Variants in CTNNA3 observed in about 807,000 individuals in gnomAD.
CTNNA3 encodes catenin alpha-3.
A neutral mutation model predicts 95.7 loss-of-function variants in CTNNA3; 76 were observed. That is an observed-to-expected ratio of 0.79 (90% CI 0.66 to 0.96). CTNNA3 has a LOEUF of 0.96. Among genes scored for constraint, CTNNA3 ranks in the 40% least tolerant of loss-of-function variants. The probability of loss-of-function intolerance (pLI) is 0.00; values close to 1 mark genes in which losing one functional copy is unlikely to be tolerated. For missense variants in CTNNA3, 1,191 were observed against 1,089.8 expected, an observed-to-expected ratio of 1.09 and a Z score of -1.31; for synonymous variants, 431 against 374.4, an observed-to-expected ratio of 1.15 and a Z score of -1.74.
At chr10:66,318,736 T>C (rs915129071) in intron 12 of CTNNA3, among the ~76,000 whole-genome samples, 4 of 152,090 alleles carry the variant, frequency 2.6e-5, no homozygotes, top group Admixed American at 1.3e-4. Flanking sequence ...AGTATGCACA[T>C]GTAAATGCTC....
chr10:67,612,869 T>C (rs554085853), intron 2 of CTNNA3, among the ~76,000 whole-genome samples: 1 of 152,180 alleles, frequency 6.6e-6, no homozygotes, highest in Non-Finnish European at 1.5e-5. Context: ...TCTATCATTA[T>C]GAAAAGTGTG....
At chr10:67,761,649 C>T (rs772936163) in intron 1 of CTNNA3, among the ~76,000 whole-genome samples, 36 of 152,144 alleles carry the variant, frequency 2.4e-4, no homozygotes, top group Middle Eastern at 3.4e-3. Context: ...GAGGCCGAGG[C>T]GGGCAGATCA....
rs184141477 is a variant in CTNNA3, at chr10:67,718,140, G to T, written c.-2+45294C>A. Among the ~76,000 whole-genome samples the T allele has an allele frequency of 2.0e-5, 3 of 152,298 alleles. No individual in the cohort carries two copies. The East Asian group carries it at 5.8e-4, about 29-fold the overall frequency. ...CTGTCTGTTATTGGTGTATAGAAAT[G>T]CTTGTGATTTTTGCACATTAATTTT... On this transcript the variant is annotated intron_variant, in intron 1 of 17. Transcript: ENST00000684154.
At chr10:65,985,048 T>G (rs1263545606) in intron 16 of CTNNA3, among the ~76,000 whole-genome samples, 1 of 151,200 alleles carries the variant, frequency 6.6e-6, no homozygotes, top group Non-Finnish European at 1.5e-5. Flanking sequence ...ACATATGTTC[T>G]TTATTATTAG....
intron 7 of CTNNA3, among the ~76,000 whole-genome samples, chr10:67,025,539 G>A (rs1853317726): frequency 1.3e-5 from 2 of 152,094 alleles, no homozygotes; most frequent in African/African-American, 4.8e-5. Flanking sequence ...GGGTGAAAAT[G>A]TATTTTGCAT....
intron 13 of CTNNA3, among the ~76,000 whole-genome samples, chr10:66,238,293 G>T (rs1007893732): frequency 2.6e-5 from 4 of 151,944 alleles, no homozygotes; most frequent in Non-Finnish European, 4.4e-5. Context: ...GATCTTTAAT[G>T]AGCAGGAACC....
intron 11 of CTNNA3, among the ~76,000 whole-genome samples, chr10:66,459,770 T>C (rs977105410): frequency 2.6e-5 from 4 of 152,170 alleles, no homozygotes; most frequent in African/African-American, 7.2e-5. Flanking sequence ...TTTAAACATA[T>C]GAAAACATAG....
At chr10:67,175,639 A>G (rs1050060743) in intron 7 of CTNNA3, among the ~76,000 whole-genome samples, 2 of 152,162 alleles carry the variant, frequency 1.3e-5, no homozygotes, top group South Asian at 4.1e-4. Context: ...TGACTTGTTT[A>G]CTCTAGCAGC....
chr10:67,352,302 A>T (rs1352421202), intron 5 of CTNNA3, among the ~76,000 whole-genome samples: 2 of 151,964 alleles, frequency 1.3e-5, no homozygotes, highest in African/African-American at 4.8e-5. Flanking sequence ...TGAAGAGGCC[A>T]TTCCTTTTAT....
chr10:65,934,676 A>G (rs993955446), intron 17 of CTNNA3, among the ~76,000 whole-genome samples: 1 of 152,142 alleles, frequency 6.6e-6, no homozygotes, highest in African/African-American at 2.4e-5. Context: ...ATATTGTTTA[A>G]CAATTCCCTC....
At chr10:66,035,537 A>ATTTTTTT (rs3884199) in intron 15 of CTNNA3, among the ~76,000 whole-genome samples, 7 of 147,184 alleles carry the variant, frequency 4.8e-5, no homozygotes, top group African/African-American at 1.7e-4. Flanking sequence ...GAATGAGGGT[A>ATTTTTTT]TTTTTTTTTT....
chr10:66,294,628 A>G (rs1260309981), intron 12 of CTNNA3, among the ~76,000 whole-genome samples: 1 of 152,162 alleles, frequency 6.6e-6, no homozygotes, highest in African/African-American at 2.4e-5. Flanking sequence ...GGCAGTGGAA[A>G]TGAACAGGTT....
intron 9 of CTNNA3, among the ~76,000 whole-genome samples, chr10:66,745,122 C>G (rs542815391): frequency 1.6e-4 from 25 of 152,314 alleles, no homozygotes; most frequent in African/African-American, 4.8e-4. Context: ...ACCATGCTGT[C>G]ATCACATTCT....
chr10:67,680,269 GGTAAGGGTA>G (rs1554875380), intron 1 of CTNNA3, among the ~76,000 whole-genome samples: 1 of 152,134 alleles, frequency 6.6e-6, no homozygotes, highest in Non-Finnish European at 1.5e-5. Context: ...GAAAATCACT[GGTAAGGGTA>G]AGGGAGAAGT....
chr10:66,904,813 A>G (rs183007870), intron 7 of CTNNA3, among the ~76,000 whole-genome samples: 2 of 152,340 alleles, frequency 1.3e-5, no homozygotes, highest in Admixed American at 1.3e-4. Flanking sequence ...AATCAAAACC[A>G]CAATGAGATA....
intron 10 of CTNNA3, among the ~76,000 whole-genome samples, chr10:66,597,913 G>C (rs1281988827): frequency 6.6e-6 from 1 of 151,898 alleles, no homozygotes; most frequent in Admixed American, 6.6e-5. Context: ...AGGTTAATTA[G>C]CAACATTAAA....
chr10:66,226,753 A>C (rs1030732586), intron 13 of CTNNA3, among the ~76,000 whole-genome samples: 1 of 151,782 alleles, frequency 6.6e-6, no homozygotes, highest in African/African-American at 2.4e-5. Context: ...TATAATTTTC[A>C]TTGTAGAGAA....
At chr10:66,647,381 T>C (rs4746618) in intron 9 of CTNNA3, among the ~76,000 whole-genome samples, 100,700 of 152,002 alleles carry the variant, frequency 0.66, 34,246 homozygotes, top group East Asian at 0.95. Context: ...TAAAATACTT[T>C]GGGAACAGGC....
intron 13 of CTNNA3, among the ~76,000 whole-genome samples, chr10:66,119,947 T>C (rs1206326342): frequency 3.3e-5 from 5 of 152,314 alleles, no homozygotes; most frequent in African/African-American, 1.2e-4. Flanking sequence ...TTATGTTCTA[T>C]ATTTTACCTC....
Sources: allele counts gnomAD v4.1 joint callset (sites outside exome capture counted in the v4.1 genomes callset), GRCh38; gene constraint gnomAD v4.1.1; transcripts MANE v1.5; gene names NCBI Gene and HGNC (gene_info 2026-07-23, HGNC 2026-07-21).